SLC44A5: variants seen among roughly 807,000 people sequenced by gnomAD.
The protein encoded by SLC44A5 is solute carrier family 44 member 5, also known as choline transporter-like protein 5.
A neutral mutation model predicts 101.8 loss-of-function variants in SLC44A5; 57 were observed. The ratio of observed to expected loss-of-function variants is 0.56; its 90% CI spans 0.45 to 0.70. The LOEUF (loss-of-function observed/expected upper bound fraction) is 0.70, where lower values mean the gene tolerates loss of function less well. SLC44A5 is among the 30% of genes least tolerant of loss of function. SLC44A5 has a pLI of 0.00. For missense variants in SLC44A5, 737 were observed against 853.1 expected (o/e 0.86, Z 1.70); for synonymous variants, 281 against 290.9 (o/e 0.97, Z 0.35).
intron 3 of SLC44A5, among the ~76,000 whole-genome samples, chr1:75,341,191 C>T (rs1251902731): frequency 1.3e-5 from 2 of 152,156 alleles, no homozygotes; most frequent in Non-Finnish European, 2.9e-5. Flanking sequence ...GAATCTCATA[C>T]TTGAATAAGA....
chr1:75,665,563 G>C, the SLC44A5 span, among the ~76,000 whole-genome samples: 1 of 152,074 alleles, frequency 6.6e-6, no homozygotes, highest in East Asian at 1.9e-4. Context: ...TTATAACTAA[G>C]TTTTCAGAAG....
chr1:75,310,103 G>C (rs1040435361), intron 4 of SLC44A5, among the ~76,000 whole-genome samples: 2 of 152,156 alleles, frequency 1.3e-5, no homozygotes, highest in Non-Finnish European at 2.9e-5. Flanking sequence ...ATGTAATAAA[G>C]TTTAAATTTG....
At chr1:75,537,020 A>G (rs1671069104) in intron 2 of SLC44A5, among the ~76,000 whole-genome samples, 3 of 45,434 alleles carry the variant, frequency 6.6e-5, no homozygotes, top group Non-Finnish European at 1.6e-4. Context: ...AAAAAAAAAA[A>G]AAAAAAAAAA....
intron 3 of SLC44A5, among the ~76,000 whole-genome samples, chr1:75,358,780 T>A (rs1312261703): frequency 6.6e-6 from 1 of 152,198 alleles, no homozygotes; most frequent in Admixed American, 6.5e-5. Flanking sequence ...TCAATACATG[T>A]ATACAATGTA....
chr1:75,403,004 A>AT (rs1662598097), intron 2 of SLC44A5, among the ~76,000 whole-genome samples: 1 of 152,122 alleles, frequency 6.6e-6, no homozygotes, highest in Non-Finnish European at 1.5e-5. Flanking sequence ...CTTGAGGTTG[A>AT]TGGGGGGAGG....
At chr1:75,617,012 A>G in the SLC44A5 span, among the ~76,000 whole-genome samples, 2 of 152,104 alleles carry the variant, frequency 1.3e-5, no homozygotes, top group Non-Finnish European at 2.9e-5. Context: ...TCGCGTGCTG[A>G]TAAGGGATGA....
At chr1:75,553,374 A>T (rs900598866) in intron 1 of SLC44A5, among the ~76,000 whole-genome samples, 1 of 152,228 alleles carries the variant, frequency 6.6e-6, no homozygotes, top group Non-Finnish European at 1.5e-5. Context: ...CATTTTAATC[A>T]AATAATTTTA....
the SLC44A5 span, among the ~76,000 whole-genome samples, chr1:75,678,682 G>A: frequency 6.6e-6 from 1 of 151,306 alleles, no homozygotes; most frequent in Non-Finnish European, 1.5e-5. Flanking sequence ...CAGAAAAACT[G>A]GAAACTCTAA....
intron 4 of SLC44A5, among the ~76,000 whole-genome samples, chr1:75,302,101 C>G (rs1181345912): frequency 2.0e-5 from 1 of 49,330 alleles, no homozygotes; most frequent in Non-Finnish European, 3.6e-5. Flanking sequence ...AGCAGGTGCT[C>G]TAGTTTTTTT....
intron 2 of SLC44A5, among the ~76,000 whole-genome samples, chr1:75,529,471 C>T (rs997694042): frequency 1.3e-5 from 2 of 152,146 alleles, no homozygotes; most frequent in Non-Finnish European, 2.9e-5. Context: ...CAAAACCTTC[C>T]AGGTTCTACT....
At chr1:75,254,774 T>C (rs1473552703) in intron 6 of SLC44A5, among the ~76,000 whole-genome samples, 1 of 152,140 alleles carries the variant, frequency 6.6e-6, no homozygotes, top group Non-Finnish European at 1.5e-5. Context: ...GTGAGAAATG[T>C]AGCCAAAGCA....
intron 1 of SLC44A5, among the ~76,000 whole-genome samples, chr1:75,567,883 A>T (rs971194243): frequency 1.3e-5 from 2 of 152,238 alleles, no homozygotes. Context: ...AATAGAACAC[A>T]GACTACTTAT....
chr1:75,276,814 A>T (rs1323481553), intron 5 of SLC44A5, among the ~76,000 whole-genome samples: 2 of 152,160 alleles, frequency 1.3e-5, no homozygotes, highest in African/African-American at 4.8e-5. Flanking sequence ...GAGCAAAGCC[A>T]ATCAAGTGCA....
intron 1 of SLC44A5, among the ~76,000 whole-genome samples, chr1:75,562,874 A>C (rs1254452895): frequency 2.6e-5 from 4 of 151,676 alleles, no homozygotes; most frequent in Admixed American, 2.6e-4. Context: ...ATACCATAGT[A>C]ATCCTCAATA....
At chr1:75,247,754 T>A (rs1431587550) in intron 7 of SLC44A5, among the ~76,000 whole-genome samples, 4 of 152,054 alleles carry the variant, frequency 2.6e-5, no homozygotes, top group Non-Finnish European at 5.9e-5. Context: ...TTAAATACTG[T>A]TGTTAGATCA....
intron 4 of SLC44A5, among the ~76,000 whole-genome samples, chr1:75,314,137 C>T (rs1008369647): frequency 1.3e-5 from 2 of 152,148 alleles, no homozygotes; most frequent in African/African-American, 4.8e-5. Context: ...AGACGTTGGT[C>T]TTTATTGTTC....
intron 2 of SLC44A5, among the ~76,000 whole-genome samples, chr1:75,410,773 A>T (rs1335758348): frequency 1.3e-5 from 2 of 152,124 alleles, no homozygotes; most frequent in Non-Finnish European, 2.9e-5. Context: ...GTTTGTAGAA[A>T]TCGTGCTTAT....
At chr1:75,323,331 C>A (rs1656325891) in intron 4 of SLC44A5, among the ~76,000 whole-genome samples, 1 of 151,800 alleles carries the variant, frequency 6.6e-6, no homozygotes, top group African/African-American at 2.4e-5. Flanking sequence ...TTTCTTAATC[C>A]AGTCTATCAT....
At chr1:75,212,071 G>A (rs149286361) in intron 22 of SLC44A5, among the ~76,000 whole-genome samples, 265 of 152,246 alleles carry the variant, frequency 1.7e-3, no homozygotes, top group African/African-American at 6.0e-3. Context: ...AAGAAAGAGA[G>A]AACAAATTTT....
Sources: allele counts gnomAD v4.1 joint callset (sites outside exome capture counted in the v4.1 genomes callset), GRCh38; gene constraint gnomAD v4.1.1; transcripts MANE v1.5; gene names NCBI Gene and HGNC (gene_info 2026-07-23, HGNC 2026-07-21).